The following MTAP variants were observed in gnomAD, a reference collection of about 807,000 sequenced individuals.
The protein encoded by MTAP is methylthioadenosine phosphorylase, also known as S-methyl-5'-thioadenosine phosphorylase.
In MTAP, 33 loss-of-function variants were observed where a neutral mutation model predicts 33.6. That is an observed-to-expected ratio of 0.98 (90% CI 0.74 to 1.31). The LOEUF (loss-of-function observed/expected upper bound fraction) is 1.31, where lower values mean the gene tolerates loss of function less well. MTAP is among the 40% of genes most tolerant of loss of function. MTAP has a pLI of 0.00. For missense variants in MTAP, 367 were observed against 360.0 expected (o/e 1.02, Z -0.16); for synonymous variants, 148 against 125.7 (o/e 1.18, Z -1.19).
At chr9:21,852,625 GT>G (rs373071804) in intron 5 of MTAP, among the ~76,000 whole-genome samples, 46 of 151,320 alleles carry the variant, frequency 3.0e-4, no homozygotes, top group African/African-American at 1.0e-3. Context: ...TGGGTGACAG[GT>G]GCATCAGAAT....
chr9:21,802,641 C>T lies in MTAP; in HGVS notation c.-108C>T, dbSNP rs777348640. On this transcript the variant is annotated 5_prime_UTR_variant, in exon 1 of 8. Transcript: ENST00000644715. The stretch of plus-strand genomic sequence containing the variant: ...AGTCAAGGCCCGCCCCTGGTCTCCG[C>T]ACTGCTCACTCCCGCGCAGTGAGGT... 3.9e-6 allele frequency: 5 copies of T among 1,287,208 alleles called. No homozygotes were observed. The highest frequency in any genetic ancestry group is 3.8e-5 in the Admixed American group (2 of 52,656). 79.7% of individuals were successfully genotyped at this position (1,287,208 alleles called of 1,614,324 possible).
At chr9:21,857,619 G>A (rs1237364019) in intron 6 of MTAP, among the ~76,000 whole-genome samples, 1 of 152,116 alleles carries the variant, frequency 6.6e-6, no homozygotes, top group Admixed American at 6.5e-5. Context: ...CTAATAGCAC[G>A]AGCTTCCATG....
chr9:21,895,039 G>A (rs756530729), intron 1 of MTAP, among the ~76,000 whole-genome samples: 1 of 152,088 alleles, frequency 6.6e-6, no homozygotes, highest in Non-Finnish European at 1.5e-5. Flanking sequence ...ATACAAACGA[G>A]TGGAAAAACA....
In MTAP at chr9:21,837,912, A is replaced by G; in HGVS notation, c.352A>G (p.Thr118Ala). 6.2e-7 allele frequency: 1 copy of G among 1,613,148 alleles called. No homozygotes were observed. Among genetic ancestry groups the G allele is most frequent in the Admixed American group, 1.7e-5 (1 of 59,856 alleles). ...CTTTTTTGCTTTATTTTGTAGGACC[A>G]CTATGAGACCTCAGTCCTTCTATGA... ...VIIDQFIDRT[T>A]MRPQSFYDGS... is the part of the protein sequence containing the mutation. The change falls in exon 5 of 8, where the codon ACT becomes GCT. Residue 118 changes from threonine to alanine, a missense_variant. By Grantham distance (58) the Thr-to-Ala change is moderately conservative (BLOSUM62 0). Coordinates refer to ENST00000644715, the MANE Select transcript of MTAP (RefSeq NM_002451.4).
At chr9:21,840,221 C>CA (rs746964029) in intron 5 of MTAP, among the ~76,000 whole-genome samples, 3,022 of 121,172 alleles carry the variant, frequency 0.025, 62 homozygotes, top group East Asian at 0.13. Flanking sequence ...GACTCCATGT[C>CA]AAAAAAAAAA....
At chr9:21,931,144 A>G (rs1818951210) in exon 2 of MTAP, 1 of 756,336 alleles carries the variant, frequency 1.3e-6, no homozygotes. Flanking sequence ...TCTCCCTTAG[A>G]CCTGGCTGGA....
At chr9:21,804,596 T>C (rs1824157081) in intron 1 of MTAP, among the ~76,000 whole-genome samples, 1 of 152,228 alleles carries the variant, frequency 6.6e-6, no homozygotes, top group Non-Finnish European at 1.5e-5. Flanking sequence ...AGAGATTCCA[T>C]GATGCCAGCA....
At chr9:21,878,470 A>G (rs550015168) in intron 1 of MTAP, among the ~76,000 whole-genome samples, 3 of 151,812 alleles carry the variant, frequency 2.0e-5, no homozygotes, top group South Asian at 2.1e-4. Flanking sequence ...AGATCTTTCT[A>G]ACTTTTAAAA....
chr9:21,836,420 A>G (rs957743867), intron 4 of MTAP, among the ~76,000 whole-genome samples: 1 of 152,320 alleles, frequency 6.6e-6, no homozygotes, highest in South Asian at 2.1e-4. Context: ...GGGGATAGAC[A>G]GGAGATGGGC....
intron 1 of MTAP, among the ~76,000 whole-genome samples, chr9:21,913,290 T>C (rs952127052): frequency 2.0e-5 from 3 of 152,150 alleles, no homozygotes; most frequent in Non-Finnish European, 4.4e-5. Flanking sequence ...TTAAAGTTCA[T>C]ATGGAACCAA....
At chr9:21,855,381 A>C (rs550979774) in intron 6 of MTAP, among the ~76,000 whole-genome samples, 11 of 152,314 alleles carry the variant, frequency 7.2e-5, no homozygotes, top group Admixed American at 7.2e-4. Flanking sequence ...CAATATAAGA[A>C]AGCTAACGGT....
At position 21,836,648 on chromosome 9, in the gene MTAP, A is replaced by C. The variant is rs542262023; in HGVS notation, c.348-1260A>C. Among the ~76,000 whole-genome samples, 5 of 152,366 alleles carry C rather than the reference A, an allele frequency of 3.3e-5. No individual in the cohort carries two copies. In the South Asian group the frequency reaches 1.0e-3, roughly 32 times the overall value. On this transcript the variant is annotated intron_variant, in intron 4 of 7. Coordinates refer to ENST00000644715, the MANE Select transcript of MTAP (RefSeq NM_002451.4). ...GAAAAGCCTCTGTTTATACAGGCTG[A>C]AACAGTCATTTGACCTGTTCTTCAA...
chr9:21,879,916 G>A (rs945799226), intron 1 of MTAP, among the ~76,000 whole-genome samples: 1 of 152,008 alleles, frequency 6.6e-6, no homozygotes, highest in Non-Finnish European at 1.5e-5. Context: ...TTAACCTGAT[G>A]GGGCTCCTTT....
At chr9:21,908,779 A>G (rs1818516462) in intron 1 of MTAP, among the ~76,000 whole-genome samples, 1 of 143,598 alleles carries the variant, frequency 7.0e-6, no homozygotes, top group South Asian at 2.1e-4. Context: ...TTTTGAGCAT[A>G]TGTCTTTGTA....
chr9:21,873,397 G>T (rs1431077064), intron 1 of MTAP, among the ~76,000 whole-genome samples: 4 of 152,124 alleles, frequency 2.6e-5, no homozygotes, highest in South Asian at 4.1e-4. Flanking sequence ...CTCCAATGCA[G>T]TAGTATCAAG....
intron 1 of MTAP, among the ~76,000 whole-genome samples, chr9:21,926,011 G>T (rs1250584196): frequency 6.6e-6 from 1 of 152,122 alleles, no homozygotes; most frequent in Non-Finnish European, 1.5e-5. Context: ...GTCCTACACT[G>T]CTTTTGGGTA....
intron 4 of MTAP, among the ~76,000 whole-genome samples, chr9:21,832,305 A>T (rs576279463): frequency 1.3e-5 from 2 of 152,312 alleles, no homozygotes; most frequent in South Asian, 2.1e-4. Flanking sequence ...CTGGGCCCTG[A>T]GGTTGGGAGT....
intron 5 of MTAP, among the ~76,000 whole-genome samples, chr9:21,847,701 T>C (rs888544078): frequency 2.6e-5 from 4 of 152,060 alleles, no homozygotes; most frequent in Admixed American, 2.0e-4. Context: ...TGAAAGAAAA[T>C]AATGAACTCA....
rs72691599 is a variant in MTAP at position 21,922,338 on chromosome 9, G to C, written c.148-8670G>C. The stretch of plus-strand genomic sequence containing the variant: ...AGTGGAGAGACACAAAACTCCAGAA[G>C]CATGCCAACATATAAAACCCCAAGT... On this transcript the variant is annotated intron_variant, in intron 1 of 1. Coordinates refer to the MTAP transcript ENST00000577563. The surrounding 1 kb of genome is among the most constrained non-coding windows in gnomAD (Gnocchi z 4.8). Among the ~76,000 whole-genome samples, 5,842 of 152,036 alleles carry C rather than the reference G, an allele frequency of 0.038. 206 individuals carry two copies. The highest frequency in any genetic ancestry group is 0.056 in the Non-Finnish European group (3,778 of 67,970).
Sources: allele counts gnomAD v4.1 joint callset (sites outside exome capture counted in the v4.1 genomes callset), GRCh38; gene constraint gnomAD v4.1.1; non-coding constraint Gnocchi (gnomAD v3.1); transcripts MANE v1.5; gene names NCBI Gene and HGNC (gene_info 2026-07-23, HGNC 2026-07-21).